Variants in CSMD1 observed in about 807,000 individuals in gnomAD.
CSMD1 encodes the protein CUB and Sushi multiple domains 1.
CSMD1 carries 213 observed loss-of-function variants against 417.5 expected under a neutral mutation model. The ratio of observed to expected loss-of-function variants is 0.51; its 90% CI spans 0.46 to 0.57. The LOEUF is 0.57. CSMD1 is among the 20% of genes least tolerant of loss of function. The pLI is 0.00. For missense variants in CSMD1, 6,923 were observed against 4,529.7 expected (o/e 1.53, Z -15.17); for synonymous variants, 2,862 against 1,736.8 (o/e 1.65, Z -16.11).
chr8:3,485,169 T>C (rs991102686), intron 11 of CSMD1, among the ~76,000 whole-genome samples: 3 of 152,180 alleles, frequency 2.0e-5, no homozygotes, highest in Admixed American at 1.3e-4. Context: ...CAGGTGTCCA[T>C]CTGTGGGTGA....
At chr8:3,613,764 A>G (rs370233655) in intron 8 of CSMD1, among the ~76,000 whole-genome samples, 1 of 151,310 alleles carries the variant, frequency 6.6e-6, no homozygotes, top group Non-Finnish European at 1.5e-5. Flanking sequence ...ACAGAAGGAT[A>G]CTTCCTCAAA....
chr8:4,499,829 G>C (rs1205507850), intron 2 of CSMD1, among the ~76,000 whole-genome samples: 1 of 152,208 alleles, frequency 6.6e-6, no homozygotes, highest in African/African-American at 2.4e-5. Flanking sequence ...GATCTTTAAA[G>C]TAAATGTATT....
At chr8:3,489,718 T>C (rs1422059117) in intron 11 of CSMD1, among the ~76,000 whole-genome samples, 1 of 152,190 alleles carries the variant, frequency 6.6e-6, no homozygotes, top group South Asian at 2.1e-4. Context: ...AAATGAGAAG[T>C]CATTGCCAGA....
At chr8:4,171,077 G>A (rs1285376583) in intron 3 of CSMD1, among the ~76,000 whole-genome samples, 3 of 151,906 alleles carry the variant, frequency 2.0e-5, no homozygotes, top group Admixed American at 6.5e-5. Context: ...CCCCTCCACG[G>A]TGCTTACCAG....
At chr8:4,985,784 C>T (rs542140590) in intron 1 of CSMD1, among the ~76,000 whole-genome samples, 3 of 152,240 alleles carry the variant, frequency 2.0e-5, no homozygotes, top group African/African-American at 7.2e-5. Context: ...ACTGCAACCT[C>T]ATGAATATAG....
intron 7 of CSMD1, among the ~76,000 whole-genome samples, chr8:3,653,974 G>T (rs1797982515): frequency 6.6e-6 from 1 of 152,266 alleles, no homozygotes; most frequent in African/African-American, 2.4e-5. Context: ...TTGTCACATA[G>T]AAAATGTGAT....
At chr8:3,289,493 T>C (rs1287899538) in intron 25 of CSMD1, among the ~76,000 whole-genome samples, 1 of 147,138 alleles carries the variant, frequency 6.8e-6, no homozygotes, top group Non-Finnish European at 1.5e-5. Context: ...ACCTGTTTTT[T>C]CCTGACTTGT....
At chr8:4,330,844 C>G (rs150591339) in intron 3 of CSMD1, among the ~76,000 whole-genome samples, 1 of 152,202 alleles carries the variant, frequency 6.6e-6, no homozygotes, top group Non-Finnish European at 1.5e-5. Context: ...CATATCCCAC[C>G]TTCCCAGATT....
At chr8:4,767,830 C>A (rs1237960989) in intron 1 of CSMD1, among the ~76,000 whole-genome samples, 1 of 152,056 alleles carries the variant, frequency 6.6e-6, no homozygotes, top group Non-Finnish European at 1.5e-5. Context: ...CTGGAGCACC[C>A]AACTGCCCAG....
At chr8:4,391,876 C>A (rs1803871488) in intron 3 of CSMD1, among the ~76,000 whole-genome samples, 1 of 152,192 alleles carries the variant, frequency 6.6e-6, no homozygotes, top group South Asian at 2.1e-4. Flanking sequence ...GGTATGTCCA[C>A]CAGCTTCTGC....
intron 1 of CSMD1, among the ~76,000 whole-genome samples, chr8:4,672,906 A>G (rs931269906): frequency 6.6e-6 from 1 of 152,164 alleles, no homozygotes; most frequent in Non-Finnish European, 1.5e-5. Flanking sequence ...GACAACAAAC[A>G]CATTCACAAA....
chr8:4,053,256 A>G (rs1798525900), intron 3 of CSMD1, among the ~76,000 whole-genome samples: 1 of 152,226 alleles, frequency 6.6e-6, no homozygotes, highest in South Asian at 2.1e-4. Context: ...GACTACCAAG[A>G]TTTATTCAAA....
At chr8:4,021,064 T>A (rs922362197) in intron 4 of CSMD1, among the ~76,000 whole-genome samples, 1 of 152,196 alleles carries the variant, frequency 6.6e-6, no homozygotes, top group Non-Finnish European at 1.5e-5. Flanking sequence ...GCATCAGAGC[T>A]CTACAAGCAT....
At chr8:4,807,609 A>G (rs1249997643) in intron 1 of CSMD1, among the ~76,000 whole-genome samples, 1 of 152,210 alleles carries the variant, frequency 6.6e-6, no homozygotes, top group Admixed American at 6.5e-5. Context: ...CAGTAATAGT[A>G]ATGACAGTAA....
At chr8:4,390,687 G>C (rs1011222225) in intron 3 of CSMD1, among the ~76,000 whole-genome samples, 9 of 151,418 alleles carry the variant, frequency 5.9e-5, no homozygotes, top group Non-Finnish European at 8.8e-5. Flanking sequence ...CTAATTTTTT[G>C]TATTTTCAGT....
rs576179264 is a variant in CSMD1 at position 3,694,985 on chromosome 8, T to G, written c.1009+13429A>C. Among the ~76,000 whole-genome samples the G allele has an allele frequency of 2.0e-5, 3 of 151,510 alleles. No individual in the cohort carries two copies. The South Asian group carries it at 6.3e-4, about 32-fold the overall frequency. Reference sequence around the variant, plus strand: ...TAGTGAAAATTGTATCCTACCTGAGTTTTTAAAGATGATTAGGACATTAGA... The same window carrying G: ...TAGTGAAAATTGTATCCTACCTGAGGTTTTAAAGATGATTAGGACATTAGA... On this transcript the variant is annotated intron_variant, in intron 7 of 69. Coordinates refer to ENST00000635120, the MANE Select transcript of CSMD1 (RefSeq NM_033225.6).
intron 10 of CSMD1, among the ~76,000 whole-genome samples, chr8:3,564,721 C>T (rs1799625107): frequency 6.7e-6 from 1 of 150,292 alleles, no homozygotes; most frequent in Admixed American, 6.6e-5. Context: ...GCCCTTGTGG[C>T]AGAAAAACCA....
intron 3 of CSMD1, among the ~76,000 whole-genome samples, chr8:4,134,203 G>A (rs1369018411): frequency 1.3e-5 from 2 of 152,152 alleles, no homozygotes; most frequent in Non-Finnish European, 2.9e-5. Context: ...GAAAGTCACT[G>A]TCCTTACACG....
At chr8:4,547,628 G>C (rs931205553) in intron 2 of CSMD1, among the ~76,000 whole-genome samples, 18 of 152,204 alleles carry the variant, frequency 1.2e-4, no homozygotes, top group Admixed American at 2.0e-4. Flanking sequence ...CAATTAAAAA[G>C]ACTTAAACAT....
Sources: gnomAD v4.1 joint callset for allele counts (sites outside exome capture counted in the v4.1 genomes callset) on GRCh38, gnomAD v4.1.1 for gene constraint, MANE v1.5 for transcripts, NCBI Gene and HGNC (gene_info 2026-07-23, HGNC 2026-07-21) for gene names.